Variants in CD207 observed in about 807,000 individuals in gnomAD.
CD207 encodes the protein CD207 molecule.
In CD207, 28 loss-of-function variants were observed where a neutral mutation model predicts 31.6. The observed-to-expected ratio is 0.89, with a 90% CI of 0.66 to 1.21. CD207 has a LOEUF of 1.21. CD207 is among the 50% of genes most tolerant of loss of function. CD207 has a pLI of 0.00. For synonymous variants in CD207, 168 were observed against 153.9 expected (o/e 1.09, Z -0.68); for missense variants, 388 against 397.8 (o/e 0.98, Z 0.21).
At chr2:70,833,592 G>C in intron 3 of CD207, 54 bp downstream of exon 3, 1 of 1,517,226 alleles carries the variant, frequency 6.6e-7, no homozygotes, top group Non-Finnish European at 8.8e-7. Context: ...TCTGGGACAG[G>C]TAAGATCCCA....
chr2:70,835,748 G>A lies in CD207; in HGVS notation c.29C>T (p.Ala10Val), dbSNP rs529039529. 23 of 1,612,496 alleles carry A rather than the reference G, an allele frequency of 1.4e-5. No individual in the cohort carries two copies. The highest frequency in any genetic ancestry group is 1.2e-4 in the Admixed American group (7 of 59,766). Residue 10 changes from alanine (A) to valine (V), a missense_variant, in exon 1 of 6, where the codon GCG becomes GTG. Transcript: ENST00000410009. Reference protein sequence around the residue: MTVEKEAPDAHFTVDKQNIS... With the variant: MTVEKEAPDVHFTVDKQNIS... ...GTTCTGTTTGTCCACAGTGAAGTGCGCATCAGGGGCCTCCTTCTCCACAGT... is the reference window on the plus strand; with the variant it reads ...GTTCTGTTTGTCCACAGTGAAGTGCACATCAGGGGCCTCCTTCTCCACAGT...
At chr2:70,826,695 A>G (rs7561201), downstream of CD207, among the ~76,000 whole-genome samples, 93,156 of 152,118 alleles carry the variant, frequency 0.61, 28,902 homozygotes, top group Middle Eastern at 0.7. Context: ...GGAAGGCTGT[A>G]AGTGCTAGTT....
At chr2:70,831,328 C>A (rs1677466445) in intron 5 of CD207, 128 bp from the exon 6 acceptor site, 1 of 923,106 alleles carries the variant, frequency 1.1e-6, no homozygotes, top group African/African-American at 1.7e-5. Context: ...ATGTCTGCAC[C>A]CAAGCCTCAG....
At chr2:70,835,388 C>T in intron 2 of CD207, 103 bp downstream of exon 2, 1 of 793,492 alleles carries the variant, frequency 1.3e-6, no homozygotes, top group South Asian at 1.5e-5. Flanking sequence ...GAAAAAGCCA[C>T]AGGCAGGAGA....
Position 70,831,737 on chromosome 2 carries a change from A to C in CD207, c.800T>G (p.Val267Gly). 1 of 1,613,466 alleles carries C rather than the reference A, an allele frequency of 6.2e-7. No individual in the cohort carries two copies. Among genetic ancestry groups the C allele is most frequent in the South Asian group, 1.1e-5 (1 of 91,076 alleles). ...KAGMEGDWSW[V>G]DDTPFNKVQS... is the part of the protein sequence containing the mutation. ...GACCTTGTTGAATGGCGTGTCATCC[A>C]CCCAGGACCAGTCCCCTTCCATCCC... The change falls in exon 5 of 6, where the codon GTG (valine) becomes GGG (glycine). Residue 267 changes from valine to glycine, a missense_variant. Transcript: ENST00000410009.
intron 2 of CD207, 41 bp downstream of exon 2, chr2:70,835,450 A>C: frequency 6.9e-7 from 1 of 1,458,622 alleles, no homozygotes; most frequent in Non-Finnish European, 9.6e-7. Context: ...GGCTGGCCAC[A>C]GAGAGGGGCT....
chr2:70,831,712 G>A lies in CD207; in HGVS notation c.825C>T (p.Val275=). Residue 275 remains valine, a synonymous_variant, in exon 5 of 6, where the codon GTC becomes GTT. Coordinates refer to ENST00000410009, the MANE Select transcript of CD207 (RefSeq NM_015717.5). The stretch of plus-strand genomic sequence containing the variant: ...CTCCAGGGGCTTACCTCACACTTTG[G>A]ACCTTGTTGAATGGCGTGTCATCCA... ...SWVDDTPFNK[V]QSVRFWIPGE... is the part of the protein sequence containing the mutation. The A allele has an allele frequency of 1.2e-6, 2 of 1,609,874 alleles. No homozygotes were observed. Among genetic ancestry groups the A allele is most frequent in the Non-Finnish European group, 1.7e-6 (2 of 1,176,180 alleles).
In CD207 at chr2:70,833,003, T is replaced by C. The variant is rs1295165824; in HGVS notation, c.614A>G (p.Asn205Ser). ...TGGAATGAGAGAAAAGTAATAGAAG[T>C]TCCCCTTGAAGTACTTCCAGCCTTG... Reference protein sequence around the residue: ...VSQGWKYFKGNFYYFSLIPKT... With the variant: ...VSQGWKYFKGSFYYFSLIPKT... Residue 205 changes from asparagine to serine, a missense_variant, in exon 4 of 6, where the codon AAC becomes AGC. Asn to Ser is a conservative substitution (Grantham distance 46). Transcript: ENST00000410009. The C allele has an allele frequency of 5.0e-6, 8 of 1,613,728 alleles. No individual in the cohort carries two copies. The highest frequency in any genetic ancestry group is 6.8e-6 in the Non-Finnish European group (8 of 1,179,762).
chr2:70,831,894 C>T (rs1272840543), intron 4 of CD207, 75 bp from the exon 5 acceptor site: 2 of 985,662 alleles, frequency 2.0e-6, no homozygotes, highest in South Asian at 1.3e-5. Context: ...TGTTCTTCAC[C>T]TGCGCTCAGT....
chr2:70,825,308 G>A (rs557073839), downstream of CD207, among the ~76,000 whole-genome samples: 10 of 152,314 alleles, frequency 6.6e-5, no homozygotes, highest in East Asian at 1.9e-4. Context: ...TAAATGTAAC[G>A]TGGTATTCTG....
Position 70,833,893 on chromosome 2 carries a change from G to T in CD207, c.318C>A (p.Gly106=), listed in dbSNP as rs371446596. The part of the protein sequence containing the change: ...KKNSDGMEAA[G]VQIQMVNESL... ...TCTCATTCACCATCTGGATCTGAAC[G>T]CCAGCTGCCTCCATGCCGTCACTAT... The change falls in exon 3 of 6, where the codon GGC becomes GGA. Residue 106 remains glycine (G), a synonymous_variant. Transcript: ENST00000410009. 6.2e-7 allele frequency: 1 copy of T among 1,607,098 alleles called. No homozygotes were observed. Among genetic ancestry groups the T allele is most frequent in the Non-Finnish European group, 8.5e-7 (1 of 1,175,404 alleles).
chr2:70,825,470 G>C (rs781505266), downstream of CD207, among the ~76,000 whole-genome samples: 1 of 152,120 alleles, frequency 6.6e-6, no homozygotes, highest in African/African-American at 2.4e-5. Context: ...GAAAGGGTGG[G>C]TATATAGAAA....
At chr2:70,827,415 G>C (rs182818656), downstream of CD207, among the ~76,000 whole-genome samples, 1 of 152,322 alleles carries the variant, frequency 6.6e-6, no homozygotes, top group Non-Finnish European at 1.5e-5. Context: ...GAGAGGCAGA[G>C]AGAAAGGAGG....
Position 70,831,758 on chromosome 2 carries a change from A to G in CD207, c.779T>C (p.Met260Thr), listed in dbSNP as rs1553399845. 1 of 1,613,730 alleles carries G rather than the reference A, an allele frequency of 6.2e-7. No homozygotes were observed. Among genetic ancestry groups the G allele is most frequent in the Admixed American group, 1.7e-5 (1 of 60,014 alleles). ...IYWIGLTKAG[M>T]EGDWSWVDDT... ...ATCCACCCAGGACCAGTCCCCTTCC[A>G]TCCCTGCTTTAGTCAGGCCAATCCA... is the stretch of plus-strand genomic sequence containing the variant. Residue 260 changes from methionine (M) to threonine (T), a missense_variant, in exon 5 of 6, where the codon ATG becomes ACG. Met to Thr is a moderately conservative substitution (Grantham distance 81, BLOSUM62 -1). Transcript: ENST00000410009.
chr2:70,833,053 T>C lies in CD207; in HGVS notation c.566-2A>G, dbSNP rs1677518502. 1 of 1,613,748 alleles carries C rather than the reference T, an allele frequency of 6.2e-7. No homozygotes were observed. Among genetic ancestry groups the C allele is most frequent in the Non-Finnish European group, 8.5e-7 (1 of 1,179,792 alleles). On this transcript the variant is annotated splice_acceptor_variant, in intron 3 of 5. Coordinates refer to ENST00000410009, the MANE Select transcript of CD207 (RefSeq NM_015717.5). LOFTEE classifies it high-confidence loss of function. ...GAGAAACCACCTGTAGAATATCATC[T>C]AGAGAACAAGAGGTAAAAGTGAACG...
At chr2:70,829,199 G>A (rs185575994), downstream of CD207, among the ~76,000 whole-genome samples, 28 of 152,292 alleles carry the variant, frequency 1.8e-4, no homozygotes, top group African/African-American at 6.7e-4. Context: ...GACCAGCCTT[G>A]TTCTTGTCAC....
At chr2:70,826,857 G>A (rs1414789366), downstream of CD207, among the ~76,000 whole-genome samples, 1 of 152,186 alleles carries the variant, frequency 6.6e-6, no homozygotes, top group Non-Finnish European at 1.5e-5. Context: ...ATTCCTGGAA[G>A]CATTTAAGCT....
rs1677517334 is a variant in CD207, at chr2:70,833,013, A to C, written c.604T>G (p.Phe202Val). The change falls in exon 4 of 6, where the codon TTC (phenylalanine) becomes GTC (valine). Residue 202 changes from phenylalanine (F) to valine (V), a missense_variant. By Grantham distance (50) the Phe-to-Val change is conservative. Transcript: ENST00000410009. ...LQVVSQGWKYFKGNFYYFSLI... is the reference protein window; with the variant it reads ...LQVVSQGWKYVKGNFYYFSLI... ...GAAAAGTAATAGAAGTTCCCCTTGA[A>C]GTACTTCCAGCCTTGAGAAACCACC... 1 of 1,613,826 alleles carries C rather than the reference A, an allele frequency of 6.2e-7. No homozygotes were observed. Among genetic ancestry groups the C allele is most frequent in the Non-Finnish European group, 8.5e-7 (1 of 1,179,824 alleles).
At chr2:70,835,439 C>T (rs782229632) in intron 2 of CD207, 52 bp downstream of exon 2, 84 of 1,316,648 alleles carry the variant, frequency 6.4e-5, no homozygotes, top group South Asian at 3.7e-4. Flanking sequence ...TGAAGGGAGC[C>T]GGCTGGCCAC....
Sources: allele counts gnomAD v4.1 joint callset (sites outside exome capture counted in the v4.1 genomes callset), GRCh38; gene constraint gnomAD v4.1.1; transcripts MANE v1.5; gene names NCBI Gene and HGNC (gene_info 2026-07-23, HGNC 2026-07-21).